KCNV2: variants seen among roughly 807,000 people sequenced by gnomAD.
The protein encoded by KCNV2 is potassium voltage-gated channel subfamily V member 2.
A neutral mutation model predicts 37.0 loss-of-function variants in KCNV2; 65 were observed. The ratio of observed to expected loss-of-function variants is 1.76; its 90% confidence interval spans 1.44 to 2.16. KCNV2 has a LOEUF of 2.16. Ranked by LOEUF, KCNV2 falls within the 30% of genes most tolerant of loss-of-function variation. The pLI, the probability that KCNV2 is intolerant of heterozygous loss-of-function variation, is 0.00. For synonymous variants in KCNV2, 518 were observed against 328.6 expected, an observed-to-expected ratio of 1.58 and a Z score of -6.23; for missense variants, 1,232 against 766.7, an observed-to-expected ratio of 1.61 and a Z score of -7.17.
Position 2,718,453 on chromosome 9 carries a change from C to T in KCNV2, c.714C>T (p.Phe238=), listed in dbSNP as rs574636120. 6.2e-7 allele frequency: 1 copy of T among 1,607,890 alleles called. No homozygotes were observed. Among genetic ancestry groups the T allele is most frequent in the African/African-American group, 1.3e-5 (1 of 75,008 alleles). ...EAEELFRDMR[F]YGPQRRRLWN... is the part of the protein sequence containing the mutation. ...AGGAACTCTTCCGCGACATGCGCTTCTACGGCCCGCAGCGGCGCCGCCTCT... is the reference window on the plus strand; with the variant it reads ...AGGAACTCTTCCGCGACATGCGCTTTTACGGCCCGCAGCGGCGCCGCCTCT... The change falls in exon 1 of 2, where the codon TTC becomes TTT. Residue 238 remains phenylalanine (F), a synonymous_variant. Transcript: ENST00000382082.
chr9:2,724,477 A>G (rs971593314), intron 1 of KCNV2, among the ~76,000 whole-genome samples: 2 of 152,252 alleles, frequency 1.3e-5, no homozygotes, highest in African/African-American at 4.8e-5. Context: ...AGACTGGAAA[A>G]GCAGAAAGAG....
rs769997052 is a variant in KCNV2, at chr9:2,718,642, C to A, written c.903C>A (p.Ile301=). 1 of 1,613,296 alleles carries A rather than the reference C, an allele frequency of 6.2e-7. No individual in the cohort carries two copies. The highest frequency in any genetic ancestry group is 8.5e-7 in the Non-Finnish European group (1 of 1,179,832). The change falls in exon 1 of 2, where the codon ATC becomes ATA. Residue 301 remains isoleucine (I), a synonymous_variant. Coordinates refer to ENST00000382082, the MANE Select transcript of KCNV2 (RefSeq NM_133497.4). ...QGEGGPDLRP[I]LEHVEMLCMG... is the part of the protein sequence containing the mutation. Reference sequence around the variant, plus strand: ...AGGGCGGCCCAGACCTGCGGCCCATCCTGGAGCACGTGGAGATGCTGTGCA... The same window carrying A: ...AGGGCGGCCCAGACCTGCGGCCCATACTGGAGCACGTGGAGATGCTGTGCA...
At chr9:2,721,876 A>G (rs1489912558) in intron 1 of KCNV2, among the ~76,000 whole-genome samples, 1 of 152,118 alleles carries the variant, frequency 6.6e-6, no homozygotes, top group Non-Finnish European at 1.5e-5. Context: ...AGACTCATCT[A>G]AATGCACCTG....
chr9:2,718,634 C>A lies in KCNV2; in HGVS notation c.895C>A (p.Arg299=). The A allele has an allele frequency of 6.2e-7, 1 of 1,613,204 alleles. No homozygotes were observed. The highest frequency in any genetic ancestry group is 8.5e-7 in the Non-Finnish European group (1 of 1,179,824). The change falls in exon 1 of 2, where the codon CGG becomes AGG. Residue 299 remains arginine, a synonymous_variant. Coordinates refer to ENST00000382082, the MANE Select transcript of KCNV2 (RefSeq NM_133497.4). ...SGQGEGGPDL[R]PILEHVEMLC... is the part of the protein sequence containing the mutation. ...GCAGGGCGAGGGCGGCCCAGACCTG[C>A]GGCCCATCCTGGAGCACGTGGAGAT...
Position 2,717,916 on chromosome 9 carries a change from A to T in KCNV2, c.177A>T (p.Glu59Asp), listed in dbSNP as rs1345092793. The change falls in exon 1 of 2, where the codon GAA becomes GAT. Residue 59 changes from glutamate (E) to aspartate (D), a missense_variant. Glu to Asp is a conservative substitution (Grantham distance 45). Coordinates refer to ENST00000382082, the MANE Select transcript of KCNV2 (RefSeq NM_133497.4). ...GNYNYYIEED[E>D]DGEEEDQWKD... ...ATAACTACTACATCGAGGAAGACGA[A>T]GACGGCGAGGAGGAGGACCAGTGGA... 4 of 1,614,078 alleles carry T rather than the reference A, an allele frequency of 2.5e-6. No homozygotes were observed. In the East Asian group the frequency reaches 8.9e-5, roughly 36 times the overall value.
In KCNV2 at chr9:2,718,914, G is replaced by A. The variant is rs147385726; in HGVS notation, c.1175G>A (p.Arg392His). Residue 392 changes from arginine (R) to histidine (H), a missense_variant, in exon 1 of 2, where the codon CGC becomes CAC. Arg to His is a conservative substitution (Grantham distance 29). Coordinates refer to ENST00000382082, the MANE Select transcript of KCNV2 (RefSeq NM_133497.4). ...MRIFRILKLARHSTGLRAFGF... is the reference protein window; with the variant it reads ...MRIFRILKLAHHSTGLRAFGF... ...ATCTTCCGCATCCTCAAGCTGGCGC[G>A]CCACTCCACCGGACTGCGTGCCTTC... is the stretch of plus-strand genomic sequence containing the variant. The A allele has an allele frequency of 3.5e-5, 57 of 1,609,026 alleles. No individual in the cohort carries two copies. Among genetic ancestry groups the A allele is most frequent in the Non-Finnish European group, 4.7e-5 (56 of 1,180,000 alleles).
chr9:2,729,774 T>G lies in KCNV2; in HGVS notation c.*47T>G, dbSNP rs764423748. ...GGTAGATTCCATGAACTTCAAGGCTTCATTGCTCTTTTTTTAATCATTATG... is the reference window on the plus strand; with the variant it reads ...GGTAGATTCCATGAACTTCAAGGCTGCATTGCTCTTTTTTTAATCATTATG... On this transcript the variant is annotated 3_prime_UTR_variant, in exon 2 of 2. Coordinates refer to ENST00000382082, the MANE Select transcript of KCNV2 (RefSeq NM_133497.4). 6.3e-7 allele frequency: 1 copy of G among 1,577,290 alleles called. No homozygotes were observed. Among genetic ancestry groups the G allele is most frequent in the South Asian group, 1.1e-5 (1 of 90,332 alleles).
rs147822789 is a variant in KCNV2 at position 2,718,687 on chromosome 9, G to T, written c.948G>T (p.Glu316Asp). 7 of 1,613,324 alleles carry T rather than the reference G, an allele frequency of 4.3e-6. No homozygotes were observed. The African/African-American group carries it at 5.3e-5, about 12-fold the overall frequency. Residue 316 changes from glutamate to aspartate, a missense_variant, in exon 1 of 2, where the codon GAG becomes GAT. Glu to Asp is a conservative substitution (Grantham distance 45, BLOSUM62 2). Transcript: ENST00000382082. The stretch of plus-strand genomic sequence containing the variant: ...TGTGCATGGGCTTCTTCACGCTCGA[G>T]TACCTGCTGCGCCTAGCCTCCACGC... The part of the protein sequence containing the change: ...EMLCMGFFTL[E>D]YLLRLASTPD...
rs868713990 is a variant in KCNV2 at position 2,730,018 on chromosome 9, A to G, written c.*291A>G. The G allele has an allele frequency of 1.6e-4, 54 of 345,782 alleles. No individual in the cohort carries two copies. Among genetic ancestry groups the G allele is most frequent in the African/African-American group, 1.1e-3 (52 of 48,160 alleles). 21.4% of individuals were successfully genotyped at this position (345,782 alleles called of 1,614,324 possible). On this transcript the variant is annotated 3_prime_UTR_variant, in exon 2 of 2. Transcript: ENST00000382082. The stretch of plus-strand genomic sequence containing the variant: ...GTAGCTTCTCGTGGCATCTAGCTCA[A>G]TAAATATTTTTGGACTTGAGTTGAC...
At position 2,718,465 on chromosome 9, in the gene KCNV2, G is replaced by A. The variant is rs1243449194; in HGVS notation, c.726G>A (p.Gln242=). ...GCGACATGCGCTTCTACGGCCCGCA[G>A]CGGCGCCGCCTCTGGAACCTCATGG... ...LFRDMRFYGP[Q]RRRLWNLMEK... The change falls in exon 1 of 2, where the codon CAG becomes CAA. Residue 242 remains glutamine (Q), a synonymous_variant. Coordinates refer to ENST00000382082, the MANE Select transcript of KCNV2 (RefSeq NM_133497.4). 2 of 1,608,668 alleles carry A rather than the reference G, an allele frequency of 1.2e-6. No individual in the cohort carries two copies. Among genetic ancestry groups the A allele is most frequent in the Admixed American group, 3.4e-5 (2 of 59,504 alleles).
intron 1 of KCNV2, among the ~76,000 whole-genome samples, chr9:2,719,686 C>T (rs562522199): frequency 7.2e-5 from 11 of 152,280 alleles, no homozygotes; most frequent in African/African-American, 2.6e-4. Flanking sequence ...TGTATTATTG[C>T]CCCATTTTAC....
At chr9:2,721,688 C>G (rs1442996330) in intron 1 of KCNV2, among the ~76,000 whole-genome samples, 1 of 152,108 alleles carries the variant, frequency 6.6e-6, no homozygotes, top group Non-Finnish European at 1.5e-5. Context: ...TTTTTCTCTT[C>G]TGGAGCTTAC....
At position 2,718,693 on chromosome 9, in the gene KCNV2, G is replaced by C; in HGVS notation, c.954G>C (p.Leu318=). 5 of 1,613,212 alleles carry C rather than the reference G, an allele frequency of 3.1e-6. No individual in the cohort carries two copies. Among genetic ancestry groups the C allele is most frequent in the Non-Finnish European group, 4.2e-6 (5 of 1,179,856 alleles). Residue 318 remains leucine, a synonymous_variant, in exon 1 of 2, where the codon CTG becomes CTC. Coordinates refer to ENST00000382082, the MANE Select transcript of KCNV2 (RefSeq NM_133497.4). ...TGGGCTTCTTCACGCTCGAGTACCTGCTGCGCCTAGCCTCCACGCCCGACC... is the reference window on the plus strand; with the variant it reads ...TGGGCTTCTTCACGCTCGAGTACCTCCTGCGCCTAGCCTCCACGCCCGACC... The part of the protein sequence containing the change: ...LCMGFFTLEY[L]LRLASTPDLR...
intron 1 of KCNV2, among the ~76,000 whole-genome samples, chr9:2,724,215 C>CCAGAT (rs112224054): frequency 0.053 from 8,122 of 152,062 alleles, 736 homozygotes; most frequent in African/African-American, 0.19. Flanking sequence ...AGTTGAGGCA[C>CCAGAT]CATTTTGTCC....
At chr9:2,728,311 T>G (rs544051723) in intron 1 of KCNV2, among the ~76,000 whole-genome samples, 1 of 151,908 alleles carries the variant, frequency 6.6e-6, no homozygotes, top group East Asian at 1.9e-4. Context: ...AAGCAAAGAG[T>G]GCCCCCCTGG....
Position 2,729,663 on chromosome 9 carries a change from G to C in KCNV2, c.1574G>C (p.Arg525Thr), listed in dbSNP as rs1251716422. ...RGEVNFMQRA[R>T]KKIAECLLGS... is the part of the protein sequence containing the mutation. The stretch of plus-strand genomic sequence containing the variant: ...GAGGTGAACTTCATGCAGAGAGCCA[G>C]AAAGAAGATAGCTGAGTGTTTGCTT... The change falls in exon 2 of 2, where the codon AGA (arginine) becomes ACA (threonine). Residue 525 changes from arginine to threonine, a missense_variant. Transcript: ENST00000382082. 1.2e-6 allele frequency: 2 copies of C among 1,614,006 alleles called. No homozygotes were observed. Among genetic ancestry groups the C allele is most frequent in the Non-Finnish European group, 1.7e-6 (2 of 1,180,006 alleles).
In KCNV2 at chr9:2,718,468, G is replaced by C. The variant is rs1809256690; in HGVS notation, c.729G>C (p.Arg243=). ...ACATGCGCTTCTACGGCCCGCAGCG[G>C]CGCCGCCTCTGGAACCTCATGGAGA... ...FRDMRFYGPQ[R]RRLWNLMEKP... Residue 243 remains arginine (R), a synonymous_variant, in exon 1 of 2, where the codon CGG becomes CGC. Coordinates refer to ENST00000382082, the MANE Select transcript of KCNV2 (RefSeq NM_133497.4). 1.9e-6 allele frequency: 3 copies of C among 1,608,842 alleles called. No homozygotes were observed. The highest frequency in any genetic ancestry group is 2.5e-6 in the Non-Finnish European group (3 of 1,178,384).
At position 2,718,558 on chromosome 9, in the gene KCNV2, C is replaced by T. The variant is rs767476582; in HGVS notation, c.819C>T (p.Ser273=). Residue 273 remains serine (S), a synonymous_variant, in exon 1 of 2, where the codon TCC becomes TCT. Transcript: ENST00000382082. ...GVASSTFVLV[S]VVALALNTVE... ...CCTCCAGCACCTTCGTGCTCGTCTC[C>T]GTGGTGGCGCTGGCGCTCAACACCG... The T allele has an allele frequency of 4.3e-6, 7 of 1,612,294 alleles. No homozygotes were observed. The East Asian group carries it at 8.9e-5, about 21-fold the overall frequency.
Position 2,718,657 on chromosome 9 carries a change from G to A in KCNV2, c.918G>A (p.Glu306=). The A allele has an allele frequency of 3.1e-6, 5 of 1,613,362 alleles. No homozygotes were observed. The South Asian group carries it at 4.4e-5, about 14-fold the overall frequency. ...PDLRPILEHV[E]MLCMGFFTLE... ...TGCGGCCCATCCTGGAGCACGTGGA[G>A]ATGCTGTGCATGGGCTTCTTCACGC... Residue 306 remains glutamate (E), a synonymous_variant, in exon 1 of 2, where the codon GAG becomes GAA. Transcript: ENST00000382082.
Sources: allele counts gnomAD v4.1 joint callset (sites outside exome capture counted in the v4.1 genomes callset), GRCh38; gene constraint gnomAD v4.1.1; transcripts MANE v1.5; gene names NCBI Gene and HGNC (gene_info 2026-07-23, HGNC 2026-07-21).